INO80: variants seen among roughly 807,000 people sequenced by gnomAD.
The protein encoded by INO80 is chromatin-remodeling ATPase INO80.
Under a neutral mutation model 203.4 loss-of-function variants are expected in INO80, and 20 were observed. The observed-to-expected ratio is 0.10, with a 90% CI of 0.07 to 0.14. The LOEUF (loss-of-function observed/expected upper bound fraction) is 0.14, where lower values mean the gene tolerates loss of function less well. Ranked by LOEUF, INO80 falls within the 10% of genes least tolerant of loss-of-function variation. The pLI is 1.00. For missense variants in INO80, 1,419 were observed against 1,914.4 expected, an observed-to-expected ratio of 0.74 and a Z score of 4.83; for synonymous variants, 726 against 685.2, an observed-to-expected ratio of 1.06 and a Z score of -0.93.
At chr15:41,013,157 C>T (rs185603819) in intron 27 of INO80, 113 of 152,316 alleles carry the variant, frequency 7.4e-4, no homozygotes, top group African/African-American at 2.5e-3. Context: ...TGCTCACATA[C>T]TCCACAGCAA....
chr15:41,032,061 AG>A (rs1173537197), intron 24 of INO80, among the ~76,000 whole-genome samples: 1 of 75,304 alleles, frequency 1.3e-5, no homozygotes, highest in Middle Eastern at 6.3e-3. Context: ...AGCACAGCAC[AG>A]GACAGCACAG....
chr15:41,096,994 A>G (rs1237234526), intron 1 of INO80, among the ~76,000 whole-genome samples: 2 of 152,258 alleles, frequency 1.3e-5, no homozygotes, highest in African/African-American at 2.4e-5. Context: ...GCTACCTTAC[A>G]TTGTTAAAGA....
At chr15:41,091,896 C>T (rs1311126839) in intron 5 of INO80, 131 bp downstream of exon 5, 8 of 634,108 alleles carry the variant, frequency 1.3e-5, no homozygotes, top group Non-Finnish European at 2.1e-5. Context: ...TCATGATCCG[C>T]CCGCCTCGTC....
rs1490350248 is a variant in INO80, at chr15:41,049,981, T to A, written c.2396A>T (p.Gln799Leu). 10 of 1,614,080 alleles carry A rather than the reference T, an allele frequency of 6.2e-6. No homozygotes were observed. The highest frequency in any genetic ancestry group is 1.3e-5 in the African/African-American group (1 of 74,950). The change falls in exon 20 of 36, where the codon CAG becomes CTG. Residue 799 changes from glutamine (Q) to leucine (L), a missense_variant. Around this residue, in one of 9 missense-constraint regions of INO80, gnomAD observed 192 missense variants for 406.7 expected, o/e 0.47. Transcript: ENST00000648947. ...QSSMGSTQQA[Q>L]NTTSSLMNLV... ...ATTCATGAGGCTGCTGGTGGTGTTCTGTGCTTGTTGGGTAGAGCCCATAGA... is the reference window on the plus strand; with the variant it reads ...ATTCATGAGGCTGCTGGTGGTGTTCAGTGCTTGTTGGGTAGAGCCCATAGA...
chr15:41,044,901 T>C lies in INO80; in HGVS notation c.2907+3A>G. On this transcript the variant is annotated splice_donor_region_variant and intron_variant, in intron 24 of 35. Coordinates refer to ENST00000648947, the MANE Select transcript of INO80 (RefSeq NM_017553.3). Reference sequence around the variant, plus strand: ...GGTAATTTATGCTCAAATAATTGCTTACCTTTAACAAAGGGCAGCTGCAAA... The same window carrying C: ...GGTAATTTATGCTCAAATAATTGCTCACCTTTAACAAAGGGCAGCTGCAAA... 1.3e-6 allele frequency: 2 copies of C among 1,593,672 alleles called. No homozygotes were observed. Among genetic ancestry groups the C allele is most frequent in the Non-Finnish European group, 1.7e-6 (2 of 1,174,282 alleles).
chr15:40,994,094 TTC>T (rs1197787938), intron 29 of INO80, among the ~76,000 whole-genome samples: 20 of 152,216 alleles, frequency 1.3e-4, no homozygotes, highest in African/African-American at 4.6e-4. Context: ...CCATAGTTGA[TTC>T]TGTTCTACCT....
At chr15:41,014,068 G>A (rs2044168736) in intron 27 of INO80, among the ~76,000 whole-genome samples, 1 of 152,140 alleles carries the variant, frequency 6.6e-6, no homozygotes, top group Non-Finnish European at 1.5e-5. Context: ...ACTTATTTTA[G>A]TAATATTTAA....
At chr15:41,049,885 T>A in intron 20 of INO80, 50 bp downstream of exon 20, 2 of 1,533,206 alleles carry the variant, frequency 1.3e-6, no homozygotes, top group Non-Finnish European at 8.9e-7. Context: ...GACAATTCTA[T>A]CTCAAAAAAC....
intron 11 of INO80, among the ~76,000 whole-genome samples, 169 bp from the exon 12 acceptor site, chr15:41,072,227 A>G (rs1459931842): frequency 6.6e-6 from 1 of 152,098 alleles, no homozygotes; most frequent in Non-Finnish European, 1.5e-5. Context: ...TCATTTCTAT[A>G]AAACATATTA....
intron 24 of INO80, among the ~76,000 whole-genome samples, chr15:41,030,882 G>A (rs781693488): frequency 3.3e-5 from 5 of 151,558 alleles, no homozygotes; most frequent in East Asian, 3.9e-4. Flanking sequence ...ATATTGGCCC[G>A]GCTGGTCTCA....
chr15:41,059,991 T>C lies in INO80; in HGVS notation c.1783-65A>G, dbSNP rs965371984. On this transcript the variant is annotated intron_variant, in intron 14 of 35. Transcript: ENST00000648947. ...GATCTTAAAAGTATTAGAACAAATA[T>C]ATAATTCGGAACAATTTAAAAAGAA... The C allele has an allele frequency of 2.6e-5, 28 of 1,081,324 alleles. No individual in the cohort carries two copies. In the Middle Eastern group the frequency reaches 6.2e-4, roughly 24 times the overall value. 67.0% of individuals were successfully genotyped at this position (1,081,324 alleles called of 1,614,324 possible). A position where few individuals can be genotyped will look rare whatever the true frequency, so the allele number is the denominator to read the frequency against.
chr15:41,048,679 T>C (rs1596291814), intron 21 of INO80, among the ~76,000 whole-genome samples: 1 of 152,188 alleles, frequency 6.6e-6, no homozygotes, highest in East Asian at 1.9e-4. Flanking sequence ...TTAAACTAAA[T>C]ATTGGTGATG....
intron 1 of INO80, among the ~76,000 whole-genome samples, chr15:41,107,185 T>A (rs1038569703): frequency 2.6e-5 from 4 of 152,228 alleles, no homozygotes; most frequent in African/African-American, 7.2e-5. Context: ...AAATTTTTTT[T>A]AATTTGCATA....
At chr15:41,022,092 C>T (rs566315095) in intron 25 of INO80, among the ~76,000 whole-genome samples, 1 of 152,316 alleles carries the variant, frequency 6.6e-6, no homozygotes, top group African/African-American at 2.4e-5. Flanking sequence ...ACTTTGAGTG[C>T]CTACATGATG....
At chr15:40,991,778 TTC>T (rs1191887176) in intron 29 of INO80, among the ~76,000 whole-genome samples, 2 of 151,866 alleles carry the variant, frequency 1.3e-5, no homozygotes, top group Admixed American at 6.6e-5. Flanking sequence ...GAAAATTTCT[TTC>T]TTTTTTTTTT....
At chr15:41,051,778 GAAACC>G (rs1252750051) in intron 19 of INO80, among the ~76,000 whole-genome samples, 2 of 152,082 alleles carry the variant, frequency 1.3e-5, no homozygotes, top group Non-Finnish European at 2.9e-5. Context: ...CCAACATGGT[GAAACC>G]TCATCTCTAC....
At chr15:41,087,808 T>C in intron 5 of INO80, 126 bp from the exon 6 acceptor site, 2 of 874,566 alleles carry the variant, frequency 2.3e-6, no homozygotes, top group Non-Finnish European at 3.3e-6. Context: ...CACAAAGAGA[T>C]CAGTAACATC....
At chr15:40,988,337 GA>G (rs1209416638) in intron 29 of INO80, among the ~76,000 whole-genome samples, 1 of 151,864 alleles carries the variant, frequency 6.6e-6, no homozygotes, top group African/African-American at 2.4e-5. Context: ...TTTGTGCTGA[GA>G]AAAAAAATCC....
chr15:41,042,483 C>T (rs1048420795), intron 24 of INO80, among the ~76,000 whole-genome samples: 1 of 150,994 alleles, frequency 6.6e-6, no homozygotes, highest in African/African-American at 2.4e-5. Context: ...AACTGACAGT[C>T]TTTTTTCTGA....
Sources: gnomAD v4.1 joint callset for allele counts (sites outside exome capture counted in the v4.1 genomes callset) on GRCh38, gnomAD v4.1.1 for gene constraint, gnomAD v4.1.1 regional missense constraint, MANE v1.5 for transcripts, NCBI Gene and HGNC (gene_info 2026-07-23, HGNC 2026-07-21) for gene names.